CTSO: variants seen among roughly 807,000 people sequenced by gnomAD.
CTSO encodes cathepsin O.
A neutral mutation model predicts 42.4 loss-of-function variants in CTSO; 40 were observed. The observed-to-expected ratio is 0.94, with a 90% CI of 0.73 to 1.23. The LOEUF (loss-of-function observed/expected upper bound fraction) is 1.23, where lower values mean the gene tolerates loss of function less well. Among genes scored for constraint, CTSO ranks in the 50% most tolerant of loss-of-function variants. The pLI is 0.00. For synonymous variants in CTSO, 156 were observed against 146.2 expected, an observed-to-expected ratio of 1.07 and a Z score of -0.48; for missense variants, 441 against 396.0, an observed-to-expected ratio of 1.11 and a Z score of -0.96.
At chr4:155,953,515 G>A (rs1743713894) in intron 1 of CTSO, among the ~76,000 whole-genome samples, 198 bp downstream of exon 1, 1 of 152,198 alleles carries the variant, frequency 6.6e-6, no homozygotes, top group African/African-American at 2.4e-5. Context: ...GCAAAGGCAT[G>A]GGGGAGTGAC....
At chr4:155,929,511 A>G in intron 6 of CTSO, 31 bp downstream of exon 6, 1 of 1,590,420 alleles carries the variant, frequency 6.3e-7, no homozygotes, top group South Asian at 1.1e-5. Context: ...CCATGCTGGA[A>G]AGCAGTCAAC....
chr4:155,950,699 C>T lies in CTSO; in HGVS notation c.135+3014G>A, dbSNP rs954697019. Among the ~76,000 whole-genome samples the T allele has an allele frequency of 6.6e-5, 10 of 151,870 alleles. No individual in the cohort carries two copies. In the South Asian group the frequency reaches 1.0e-3, roughly 16 times the overall value. On this transcript the variant is annotated intron_variant, in intron 1 of 7. Transcript: ENST00000433477. ...ACCTGATCTCCACCTTCTGTCAGATCGGCAGCAGCATTAGATTATCATAGG... is the reference window on the plus strand; with the variant it reads ...ACCTGATCTCCACCTTCTGTCAGATTGGCAGCAGCATTAGATTATCATAGG...
At chr4:155,943,556 C>T (rs541910075) in intron 1 of CTSO, among the ~76,000 whole-genome samples, 87 of 152,002 alleles carry the variant, frequency 5.7e-4, no homozygotes, top group Non-Finnish European at 1.0e-3. Flanking sequence ...AAAGTATTGA[C>T]ATAGTGGGAA....
At chr4:155,927,601 C>G (rs1269615365) in intron 7 of CTSO, among the ~76,000 whole-genome samples, 2 of 152,042 alleles carry the variant, frequency 1.3e-5, no homozygotes, top group African/African-American at 4.8e-5. Flanking sequence ...AACCTCGTCT[C>G]TACTAAAAAT....
At chr4:155,932,996 C>G (rs949643138) in intron 5 of CTSO, among the ~76,000 whole-genome samples, 1 of 152,108 alleles carries the variant, frequency 6.6e-6, no homozygotes. Context: ...GGGCTTTACC[C>G]TCTGTGAGGG....
At chr4:155,929,771 A>C in intron 5 of CTSO, 66 bp from the exon 6 acceptor site, 2 of 1,455,702 alleles carry the variant, frequency 1.4e-6, no homozygotes, top group South Asian at 2.6e-5. Flanking sequence ...AATGATCTAT[A>C]TAATCTGTGT....
intron 2 of CTSO, 144 bp downstream of exon 2, chr4:155,943,012 C>G: frequency 1.9e-6 from 1 of 539,566 alleles, no homozygotes; most frequent in Non-Finnish European, 3.3e-6. Context: ...TATGTGAGCA[C>G]ATGGTACATG....
intron 6 of CTSO, among the ~76,000 whole-genome samples, chr4:155,929,131 T>C (rs1173962650): frequency 6.6e-6 from 1 of 152,216 alleles, no homozygotes. Flanking sequence ...AGACAACTAG[T>C]CAGACCTATC....
At chr4:155,943,061 A>T (rs1743469451) in intron 2 of CTSO, 95 bp downstream of exon 2, 2 of 754,278 alleles carry the variant, frequency 2.7e-6, no homozygotes, top group African/African-American at 1.7e-5. Context: ...GTTAACTATT[A>T]CTCAATATAT....
rs553064306 is a variant in CTSO at position 155,946,218 on chromosome 4, A to G, written c.136-2954T>C. On this transcript the variant is annotated intron_variant, in intron 1 of 7. Transcript: ENST00000433477. ...AATATATTGCCACTCAAGTTGGCAA[A>G]TGCCAGATGAAACAAACTTATACAT... is the stretch of plus-strand genomic sequence containing the variant. 2.0e-5 allele frequency among the ~76,000 whole-genome samples: 3 copies of G among 152,314 alleles called. No homozygotes were observed. The East Asian group carries it at 5.8e-4, about 29-fold the overall frequency.
At position 155,926,075 on chromosome 4, in the gene CTSO, G is replaced by GC. The variant is rs1743124692; in HGVS notation, c.932-6_932-5insG. The GC allele has an allele frequency of 6.8e-7, 1 of 1,480,864 alleles. No homozygotes were observed. The highest frequency in any genetic ancestry group is 1.5e-5 in the African/African-American group (1 of 65,980). 91.7% of individuals were successfully genotyped at this position (1,480,864 alleles called of 1,614,324 possible). A position where few individuals can be genotyped will look rare whatever the true frequency, so the allele number is the denominator to read the frequency against. On this transcript the variant is annotated splice_region_variant and splice_polypyrimidine_tract_variant and intron_variant, in intron 7 of 7. Transcript: ENST00000433477. ...AAGAAACGGAATCTGCAATACCTAA[G>GC]GGAAAAAAAAGGAATTATTAGTCTA...
At chr4:155,952,934 A>T (rs1342560744) in intron 1 of CTSO, among the ~76,000 whole-genome samples, 2 of 152,190 alleles carry the variant, frequency 1.3e-5, no homozygotes, top group African/African-American at 4.8e-5. Flanking sequence ...TCTAGAACAT[A>T]GTGAGGCGAA....
At position 155,953,774 on chromosome 4, in the gene CTSO, G is replaced by C; in HGVS notation, c.74C>G (p.Ser25Cys). ...LLCRGGGDAD[S>C]RAPFTPTWPR... ...CCAGGTCGGGGTGAAGGGGGCGCGG[G>C]AGTCCGCATCGCCGCCGCCCCGGCA... Residue 25 changes from serine (S) to cysteine (C), a missense_variant, in exon 1 of 8, where the codon TCC (serine) becomes TGC (cysteine). By Grantham distance (112) the Ser-to-Cys change is moderately radical (BLOSUM62 -1). Coordinates refer to ENST00000433477, the MANE Select transcript of CTSO (RefSeq NM_001334.3). 3 of 1,339,632 alleles carry C rather than the reference G, an allele frequency of 2.2e-6. No homozygotes were observed. Among genetic ancestry groups the C allele is most frequent in the South Asian group, 3.9e-5 (2 of 51,598 alleles). The allele number at this position is 1,339,632 out of a possible 1,614,324, so 83.0% of individuals were successfully genotyped here.
rs367604664 is a variant in CTSO at position 155,950,103 on chromosome 4, A to G, written c.135+3610T>C. Among the ~76,000 whole-genome samples, 9 of 152,346 alleles carry G rather than the reference A, an allele frequency of 5.9e-5. No individual in the cohort carries two copies. In the East Asian group the frequency reaches 1.7e-3, roughly 29 times the overall value. On this transcript the variant is annotated intron_variant, in intron 1 of 7. Transcript: ENST00000433477. Reference sequence around the variant, plus strand: ...AAGTGTGTGTAAACATATTGCAGATATATGTTTACTATGTATGATAAGAAA... The same window carrying G: ...AAGTGTGTGTAAACATATTGCAGATGTATGTTTACTATGTATGATAAGAAA...
chr4:155,938,169 C>T lies in CTSO; in HGVS notation c.553-686G>A, dbSNP rs1344017934. Among the ~76,000 whole-genome samples, 7 of 152,144 alleles carry T rather than the reference C, an allele frequency of 4.6e-5. No homozygotes were observed. In the East Asian group the frequency reaches 7.7e-4, roughly 17 times the overall value. Reference sequence around the variant, plus strand: ...TTCCATCCAGTGGTTTATACACAGGCAACGGTTAGGTCAAGCATTCTTTCT... The same window carrying T: ...TTCCATCCAGTGGTTTATACACAGGTAACGGTTAGGTCAAGCATTCTTTCT... On this transcript the variant is annotated intron_variant, in intron 4 of 7. Coordinates refer to ENST00000433477, the MANE Select transcript of CTSO (RefSeq NM_001334.3).
At chr4:155,944,117 C>A (rs531886708) in intron 1 of CTSO, among the ~76,000 whole-genome samples, 4 of 152,062 alleles carry the variant, frequency 2.6e-5, no homozygotes, top group East Asian at 3.9e-4. Context: ...ATGTCTTATT[C>A]CTTATGGTGA....
intron 1 of CTSO, among the ~76,000 whole-genome samples, chr4:155,946,942 G>A (rs1205438750): frequency 1.3e-5 from 2 of 152,060 alleles, no homozygotes; most frequent in East Asian, 1.9e-4. Context: ...TGCAAGCTCC[G>A]CCTCCCGGGT....
chr4:155,946,877 AG>A (rs1743556754), intron 1 of CTSO, among the ~76,000 whole-genome samples: 1 of 152,138 alleles, frequency 6.6e-6, no homozygotes, highest in African/African-American at 2.4e-5. Flanking sequence ...TATTATTTTG[AG>A]GCGGATTCTC....
At chr4:155,939,763 TC>T (rs1743396257) in intron 3 of CTSO, among the ~76,000 whole-genome samples, 1 of 152,206 alleles carries the variant, frequency 6.6e-6, no homozygotes. Context: ...TTATTACTAT[TC>T]TAAATTTGGC....
Sources: gnomAD v4.1 joint callset for allele counts (sites outside exome capture counted in the v4.1 genomes callset) on GRCh38, gnomAD v4.1.1 for gene constraint, MANE v1.5 for transcripts, NCBI Gene and HGNC (gene_info 2026-07-23, HGNC 2026-07-21) for gene names.